The following POLR1B variants were observed in gnomAD, a reference collection of about 807,000 sequenced individuals.
POLR1B encodes DNA-directed RNA polymerase I subunit RPA2.
POLR1B carries 30 observed loss-of-function variants against 105.8 expected under a neutral mutation model. The ratio of observed to expected loss-of-function variants is 0.28; its 90% CI spans 0.21 to 0.38. The LOEUF is 0.38. Ranked by LOEUF, POLR1B falls within the 10% of genes least tolerant of loss-of-function variation. POLR1B has a pLI of 1.00. For missense variants in POLR1B, 976 were observed against 1,435.8 expected, an observed-to-expected ratio of 0.68 and a Z score of 5.17; for synonymous variants, 485 against 505.1, an observed-to-expected ratio of 0.96 and a Z score of 0.53.
rs1684974897 is a variant in POLR1B at position 112,578,783 on chromosome 2, C to A, written c.*3054C>A. On this transcript the variant is annotated 3_prime_UTR_variant, in exon 15 of 15. Coordinates refer to ENST00000263331, the MANE Select transcript of POLR1B (RefSeq NM_019014.6). ...ATATATTTTTTCTATACATACATAC[C>A]TTTGATGTTTAATTAAGCACTGCAA... Among the ~76,000 whole-genome samples, 1 of 152,010 alleles carries A rather than the reference C, an allele frequency of 6.6e-6. No homozygotes were observed. Among genetic ancestry groups the A allele is most frequent in the South Asian group, 2.1e-4 (1 of 4,818 alleles).
chr2:112,554,803 G>T (rs1483370560), intron 7 of POLR1B, among the ~76,000 whole-genome samples: 1 of 152,122 alleles, frequency 6.6e-6, no homozygotes, highest in African/African-American at 2.4e-5. Context: ...CACTTTGGGA[G>T]GCTGAGGCAG....
chr2:112,547,381 A>T (rs370957598), intron 2 of POLR1B, 40 bp from the exon 3 acceptor site: 1 of 1,592,510 alleles, frequency 6.3e-7, no homozygotes, highest in Non-Finnish European at 8.6e-7. Context: ...GTAAATGCAG[A>T]TATTTCTGTT....
At position 112,564,504 on chromosome 2, in the gene POLR1B, G is replaced by T. The variant is rs779568585; in HGVS notation, c.1746+5G>T. On this transcript the variant is annotated splice_donor_5th_base_variant and intron_variant, in intron 10 of 14. Coordinates refer to ENST00000263331, the MANE Select transcript of POLR1B (RefSeq NM_019014.6). ...GATTCTCTTCGTCATTTTAAGGTGGGCTTGAGGCTTTGTGAATTGTCCTAT... is the reference window on the plus strand; with the variant it reads ...GATTCTCTTCGTCATTTTAAGGTGGTCTTGAGGCTTTGTGAATTGTCCTAT... 3.6e-5 allele frequency: 58 copies of T among 1,614,098 alleles called. No individual in the cohort carries two copies. The highest frequency in any genetic ancestry group is 4.8e-5 in the Non-Finnish European group (57 of 1,180,024).
chr2:112,575,548 T>C lies in POLR1B; in HGVS notation c.3227T>C (p.Leu1076Ser). The change falls in exon 15 of 15, where the codon TTA becomes TCA. Residue 1076 changes from leucine (L) to serine (S), a missense_variant. Physicochemically the swap from Leu to Ser is moderately radical, Grantham distance 145. Coordinates refer to ENST00000263331, the MANE Select transcript of POLR1B (RefSeq NM_019014.6). The surrounding 1 kb of genome is among the most constrained non-coding windows in gnomAD (Gnocchi z 5.3). ...CATGTGTGTGTGAAGTGTGGCAGTT[T>C]ACTCTCTCCACTGTTGGAGAAGCCA... Reference protein sequence around the residue: ...VAHVCVKCGSLLSPLLEKPPP... With the variant: ...VAHVCVKCGSSLSPLLEKPPP... 6.2e-7 allele frequency: 1 copy of C among 1,614,186 alleles called. No individual in the cohort carries two copies. Among genetic ancestry groups the C allele is most frequent in the Non-Finnish European group, 8.5e-7 (1 of 1,180,028 alleles).
chr2:112,565,702 G>A (rs181935099), intron 10 of POLR1B, among the ~76,000 whole-genome samples: 30 of 152,208 alleles, frequency 2.0e-4, no homozygotes, highest in African/African-American at 6.7e-4. Context: ...CTGACCACAG[G>A]ACTGTACCAC....
intron 9 of POLR1B, among the ~76,000 whole-genome samples, chr2:112,560,234 T>A (rs1444885193): frequency 6.6e-6 from 1 of 151,994 alleles, no homozygotes; most frequent in Non-Finnish European, 1.5e-5. Flanking sequence ...GAAAGTGAGA[T>A]CCTATCTCCA....
chr2:112,566,540 C>T (rs1308619871), intron 10 of POLR1B, among the ~76,000 whole-genome samples: 4 of 151,978 alleles, frequency 2.6e-5, no homozygotes, highest in African/African-American at 4.8e-5. Context: ...TTTATGTTAG[C>T]GTAGATTTAT....
In POLR1B at chr2:112,572,412, A is replaced by G. The variant is rs899940847; in HGVS notation, c.2075-150A>G. 9.5e-6 allele frequency: 5 copies of G among 528,030 alleles called. No homozygotes were observed. The East Asian group carries it at 1.3e-4, about 14-fold the overall frequency. 32.7% of individuals were successfully genotyped at this position (528,030 alleles called of 1,614,324 possible). ...TAGGTTTACTTCATTTTCACAGCTT[A>G]TGTATTAGTCTAAAGTAAGCATAAC... On this transcript the variant is annotated intron_variant, in intron 12 of 14. Transcript: ENST00000263331.
intron 8 of POLR1B, among the ~76,000 whole-genome samples, chr2:112,558,464 C>T (rs1161707263): frequency 1.3e-5 from 2 of 152,092 alleles, no homozygotes; most frequent in African/African-American, 2.4e-5. Context: ...TTTGGGAGAC[C>T]AAGGTAGGAG....
chr2:112,562,913 G>A (rs1558661283), intron 9 of POLR1B, among the ~76,000 whole-genome samples: 1 of 151,368 alleles, frequency 6.6e-6, no homozygotes. Flanking sequence ...ATTTTTAGTA[G>A]CGACGGGGTT....
At chr2:112,548,976 C>A (rs1683216302) in intron 3 of POLR1B, among the ~76,000 whole-genome samples, 1 of 152,080 alleles carries the variant, frequency 6.6e-6, no homozygotes, top group African/African-American at 2.4e-5. Flanking sequence ...AGACTGAAGT[C>A]ATTTTAGGGG....
chr2:112,567,933 C>T, intron 10 of POLR1B, 34 bp from the exon 11 acceptor site: 3 of 1,591,332 alleles, frequency 1.9e-6, no homozygotes, highest in Middle Eastern at 1.7e-4. Flanking sequence ...GGCCTTGGGA[C>T]AGGTTTGTTA....
At chr2:112,553,354 A>T (rs1469610601) in intron 7 of POLR1B, 2 of 151,912 alleles carry the variant, frequency 1.3e-5, no homozygotes, top group African/African-American at 4.8e-5. Context: ...CGTGCTTCTT[A>T]TTGGTGACTT....
chr2:112,546,630 C>T (rs1398695048), intron 1 of POLR1B, among the ~76,000 whole-genome samples: 2 of 129,290 alleles, frequency 1.5e-5, no homozygotes, highest in African/African-American at 2.8e-5. Context: ...GGCGTGATCT[C>T]TGCTCACTGC....
At chr2:112,572,788 T>C in intron 13 of POLR1B, 30 bp downstream of exon 13, 1 of 1,509,138 alleles carries the variant, frequency 6.6e-7, no homozygotes, top group Non-Finnish European at 8.9e-7. Flanking sequence ...GTTGTTCCAA[T>C]CTTTTTATTT....
At chr2:112,545,335 T>A (rs1682981569) in intron 1 of POLR1B, among the ~76,000 whole-genome samples, 1 of 152,100 alleles carries the variant, frequency 6.6e-6, no homozygotes, top group African/African-American at 2.4e-5. Context: ...GTGGATGAAA[T>A]CATAGGCTTT....
In POLR1B at chr2:112,573,551, T is replaced by G; in HGVS notation, c.2272-11T>G. On this transcript the variant is annotated splice_polypyrimidine_tract_variant and intron_variant, in intron 13 of 14. Coordinates refer to ENST00000263331, the MANE Select transcript of POLR1B (RefSeq NM_019014.6). ...TGGCCTCAGTCTTTTAACGATTCTT[T>G]TACTTCACAGATTGTGAATAAGGCC... 7.5e-6 allele frequency: 12 copies of G among 1,604,920 alleles called. No individual in the cohort carries two copies. Among genetic ancestry groups the G allele is most frequent in the Non-Finnish European group, 9.4e-6 (11 of 1,175,680 alleles).
intron 7 of POLR1B, 119 bp from the exon 8 acceptor site, chr2:112,557,791 G>A (rs1156344024): frequency 4.5e-6 from 1 of 220,678 alleles, no homozygotes; most frequent in Non-Finnish European, 7.0e-6. Flanking sequence ...TCACCATTTT[G>A]CCCAGTCTCA....
chr2:112,549,054 T>C (rs1313379240), intron 3 of POLR1B, among the ~76,000 whole-genome samples: 1 of 152,230 alleles, frequency 6.6e-6, no homozygotes, highest in Non-Finnish European at 1.5e-5. Context: ...CCATACTTTT[T>C]TCCCATGTCC....
Sources: gnomAD v4.1 joint callset for allele counts (sites outside exome capture counted in the v4.1 genomes callset) on GRCh38, gnomAD v4.1.1 for gene constraint, Gnocchi (gnomAD v3.1) non-coding constraint, MANE v1.5 for transcripts, NCBI Gene and HGNC (gene_info 2026-07-23, HGNC 2026-07-21) for gene names.